The following SGPP2 variants were observed in gnomAD, a reference collection of about 807,000 sequenced individuals.
The protein encoded by SGPP2 is sphingosine 1-phosphate phosphohydrolase 2.
A neutral mutation model predicts 33.9 loss-of-function variants in SGPP2; 30 were observed. That is an observed-to-expected ratio of 0.89 (90% CI 0.66 to 1.20). The LOEUF (loss-of-function observed/expected upper bound fraction) is 1.20. Among genes scored for constraint, SGPP2 ranks in the 50% most tolerant of loss-of-function variants. The pLI is 0.00. For missense variants in SGPP2, 458 were observed against 532.1 expected, an observed-to-expected ratio of 0.86 and a Z score of 1.37; for synonymous variants, 233 against 225.0, an observed-to-expected ratio of 1.04 and a Z score of -0.32.
At chr2:222,462,928 G>A (rs1697686345) in intron 1 of SGPP2, among the ~76,000 whole-genome samples, 1 of 152,118 alleles carries the variant, frequency 6.6e-6, no homozygotes, top group Non-Finnish European at 1.5e-5. Flanking sequence ...CACCCAGCAT[G>A]GTTTTCTTCT....
At chr2:222,522,359 A>G (rs921525708) in intron 3 of SGPP2, among the ~76,000 whole-genome samples, 1 of 152,218 alleles carries the variant, frequency 6.6e-6, no homozygotes, top group African/African-American at 2.4e-5. Context: ...TCCCTCTGCC[A>G]GACTCCCCAG....
At chr2:222,448,618 TAG>T (rs2106073290) in intron 1 of SGPP2, among the ~76,000 whole-genome samples, 1 of 152,240 alleles carries the variant, frequency 6.6e-6, no homozygotes, top group East Asian at 1.9e-4. Context: ...TGGTAGCATT[TAG>T]AAACTCTGCA....
intron 4 of SGPP2, among the ~76,000 whole-genome samples, chr2:222,536,645 A>G (rs1222440383): frequency 2.0e-5 from 3 of 152,244 alleles, no homozygotes; most frequent in South Asian, 2.1e-4. Context: ...GCGCCACTGC[A>G]CTCCTGCCTG....
chr2:222,490,067 A>G (rs1427987777), intron 2 of SGPP2, among the ~76,000 whole-genome samples: 1 of 152,186 alleles, frequency 6.6e-6, no homozygotes, highest in Non-Finnish European at 1.5e-5. Flanking sequence ...ACCTAAAAGG[A>G]TGTGTTTAAG....
At chr2:222,540,789 C>CAGCA (rs1035753270) in intron 4 of SGPP2, among the ~76,000 whole-genome samples, 1 of 149,426 alleles carries the variant, frequency 6.7e-6, no homozygotes, top group Non-Finnish European at 1.5e-5. Context: ...ATTATTTTTT[C>CAGCA]AGCATAATTT....
At chr2:222,530,490 T>C (rs1698822287) in intron 4 of SGPP2, among the ~76,000 whole-genome samples, 1 of 152,228 alleles carries the variant, frequency 6.6e-6, no homozygotes, top group Admixed American at 6.5e-5. Context: ...ACCTTGCACA[T>C]TTATGTTTTG....
intron 2 of SGPP2, among the ~76,000 whole-genome samples, chr2:222,489,621 C>A (rs1473487413): frequency 6.6e-6 from 1 of 151,854 alleles, no homozygotes; most frequent in African/African-American, 2.4e-5. Flanking sequence ...GTTGACTGTC[C>A]TACAGGGCAG....
rs542451175 is a variant in SGPP2 at position 222,554,317 on chromosome 2, T to C, written c.649-4030T>C. On this transcript the variant is annotated intron_variant, in intron 4 of 4. Coordinates refer to ENST00000321276, the MANE Select transcript of SGPP2 (RefSeq NM_152386.4). Reference sequence around the variant, plus strand: ...TTAAAATTTCTTGTCAGAGCTTCCTTGTTCTTTGTGCAGTGGCATAGTATT... The same window carrying C: ...TTAAAATTTCTTGTCAGAGCTTCCTCGTTCTTTGTGCAGTGGCATAGTATT... Among the ~76,000 whole-genome samples the C allele has an allele frequency of 3.3e-5, 5 of 152,350 alleles. No individual in the cohort carries two copies. The South Asian group carries it at 1.0e-3, about 32-fold the overall frequency.
rs1414316448 is a variant in SGPP2 at position 222,459,142 on chromosome 2, C to CTTTCTTT, written c.220-15423_220-15422insCTTTTTT. 1.9e-3 allele frequency among the ~76,000 whole-genome samples: 178 copies of CTTTCTTT among 94,488 alleles called. 3 individuals are homozygous for CTTTCTTT. The highest frequency in any genetic ancestry group is 7.2e-3 in the Middle Eastern group (1 of 138). The allele number at this position is 94,488 out of a possible 152,430, so 62.0% of individuals were successfully genotyped here. A position where few individuals can be genotyped will look rare whatever the true frequency, so the allele number is the denominator to read the frequency against. Reference sequence around the variant, plus strand: ...CTTTTTTTTCTTTCTTTCTTTCTTTCTTTTTTTTTTTTTTTTTTTTTTGAG... The same window carrying CTTTCTTT: ...CTTTTTTTTCTTTCTTTCTTTCTTTCTTTCTTTTTTTTTTTTTTTTTTTTTTTTTGAG... On this transcript the variant is annotated intron_variant, in intron 1 of 4. Transcript: ENST00000321276.
chr2:222,559,158 C>G lies in SGPP2; in HGVS notation c.*260C>G. ...AATCCGGATCTTTAAAGGCACACACCGCGCCCCCCCCCCCCCCGCCCGGCC... is the reference window on the plus strand; with the variant it reads ...AATCCGGATCTTTAAAGGCACACACGGCGCCCCCCCCCCCCCCGCCCGGCC... On this transcript the variant is annotated 3_prime_UTR_variant, in exon 5 of 5. Coordinates refer to ENST00000321276, the MANE Select transcript of SGPP2 (RefSeq NM_152386.4). 1 of 73,356 alleles carries G rather than the reference C, an allele frequency of 1.4e-5. No homozygotes were observed. Among genetic ancestry groups the G allele is most frequent in the Admixed American group, 1.9e-4 (1 of 5,178 alleles). The allele number at this position is 73,356 out of a possible 1,614,324, so 4.5% of individuals were successfully genotyped here. A position where few individuals can be genotyped will look rare whatever the true frequency, so the allele number is the denominator to read the frequency against.
At chr2:222,500,890 C>A (rs368941080) in intron 2 of SGPP2, among the ~76,000 whole-genome samples, 1 of 152,224 alleles carries the variant, frequency 6.6e-6, no homozygotes, top group African/African-American at 2.4e-5. Context: ...CTTCCCCCTA[C>A]GTGTGTGCAG....
chr2:222,434,150 GA>G (rs1176705325), intron 1 of SGPP2, among the ~76,000 whole-genome samples: 1 of 152,120 alleles, frequency 6.6e-6, no homozygotes, highest in African/African-American at 2.4e-5. Context: ...AGGAATCTAT[GA>G]AAATACCAAA....
At chr2:222,515,180 A>G (rs1276429893) in intron 2 of SGPP2, among the ~76,000 whole-genome samples, 1 of 152,086 alleles carries the variant, frequency 6.6e-6, no homozygotes, top group Non-Finnish European at 1.5e-5. Flanking sequence ...CTTGGTATCA[A>G]AGGGTGCCAT....
intron 2 of SGPP2, among the ~76,000 whole-genome samples, chr2:222,514,346 C>A (rs929522603): frequency 3.3e-5 from 5 of 152,084 alleles, no homozygotes; most frequent in Admixed American, 6.6e-5. Context: ...ATGAACAATT[C>A]TTTTTTTAAA....
rs1349067009 is a variant in SGPP2, at chr2:222,559,305, T to A, written c.*407T>A. On this transcript the variant is annotated 3_prime_UTR_variant, in exon 5 of 5. Coordinates refer to ENST00000321276, the MANE Select transcript of SGPP2 (RefSeq NM_152386.4). Reference sequence around the variant, plus strand: ...TGGAGAGCCAGTAGAGATGGGGTGATCTGGGAGGCTGGAGGTAGAGCCTTT... The same window carrying A: ...TGGAGAGCCAGTAGAGATGGGGTGAACTGGGAGGCTGGAGGTAGAGCCTTT... 1 of 178,038 alleles carries A rather than the reference T, an allele frequency of 5.6e-6. No homozygotes were observed. The highest frequency in any genetic ancestry group is 1.2e-5 in the Non-Finnish European group (1 of 82,492). The allele number at this position is 178,038 out of a possible 1,614,324, so 11.0% of individuals were successfully genotyped here.
chr2:222,446,393 T>G (rs1697399615), intron 1 of SGPP2, among the ~76,000 whole-genome samples: 1 of 152,204 alleles, frequency 6.6e-6, no homozygotes, highest in African/African-American at 2.4e-5. Context: ...ATGTAGGAAC[T>G]ATAAATAGTC....
intron 4 of SGPP2, among the ~76,000 whole-genome samples, chr2:222,541,137 T>TA (rs1698990623): frequency 1.3e-5 from 2 of 152,148 alleles, no homozygotes. Flanking sequence ...CTTTGACTTG[T>TA]AAAAAATGTA....
At chr2:222,472,075 T>TA (rs1697853248) in intron 1 of SGPP2, among the ~76,000 whole-genome samples, 1 of 152,206 alleles carries the variant, frequency 6.6e-6, no homozygotes, top group African/African-American at 2.4e-5. Context: ...TACTTTCTGC[T>TA]AAGCGTTTCT....
intron 4 of SGPP2, among the ~76,000 whole-genome samples, chr2:222,533,119 G>A (rs1395514386): frequency 6.6e-6 from 1 of 152,072 alleles, no homozygotes; most frequent in Non-Finnish European, 1.5e-5. Flanking sequence ...TCCAGCTGAA[G>A]GAAAAGACAG....
Sources: gnomAD v4.1 joint callset for allele counts (sites outside exome capture counted in the v4.1 genomes callset) on GRCh38, gnomAD v4.1.1 for gene constraint, MANE v1.5 for transcripts, NCBI Gene and HGNC (gene_info 2026-07-23, HGNC 2026-07-21) for gene names.